The following KIFC3 variants were observed in gnomAD, a reference collection of about 807,000 sequenced individuals.
The protein encoded by KIFC3 is kinesin-like protein KIFC3.
A neutral mutation model predicts 101.8 loss-of-function variants in KIFC3; 60 were observed. The ratio of observed to expected loss-of-function variants is 0.59; its 90% CI spans 0.48 to 0.73. KIFC3 has a LOEUF of 0.73. Among genes scored for constraint, KIFC3 ranks in the 30% least tolerant of loss-of-function variants. KIFC3 has a pLI of 0.00. For missense variants in KIFC3, 966 were observed against 1,137.1 expected (o/e 0.85, Z 2.16); for synonymous variants, 476 against 482.7 (o/e 0.99, Z 0.18).
chr16:57,831,886 C>T (rs1555479358), intron 1 of KIFC3, among the ~76,000 whole-genome samples: 2 of 152,142 alleles, frequency 1.3e-5, no homozygotes, highest in Non-Finnish European at 2.9e-5. Context: ...AAGCAACTAA[C>T]AGCACAACTA....
upstream of KIFC3, among the ~76,000 whole-genome samples, chr16:57,805,326 G>C (rs985459099): frequency 1.1e-4 from 16 of 152,122 alleles, no homozygotes; most frequent in Non-Finnish European, 1.9e-4. Context: ...CAGGAACTAC[G>C]TACCAACTCC....
intron 3 of KIFC3, among the ~76,000 whole-genome samples, chr16:57,781,518 G>A (rs932171863): frequency 1.5e-4 from 23 of 152,194 alleles, no homozygotes; most frequent in Admixed American, 7.2e-4. Flanking sequence ...AGACCAAGAT[G>A]AGCAGCCTCT....
intron 3 of KIFC3, among the ~76,000 whole-genome samples, chr16:57,783,314 A>G (rs2052935916): frequency 1.3e-5 from 2 of 152,172 alleles, no homozygotes; most frequent in Non-Finnish European, 2.9e-5. Flanking sequence ...GTGACCATCA[A>G]TAGGCCTGTT....
upstream of KIFC3, among the ~76,000 whole-genome samples, chr16:57,804,079 TG>T (rs1434895188): frequency 1.3e-5 from 2 of 152,232 alleles, no homozygotes; most frequent in Non-Finnish European, 2.9e-5. Flanking sequence ...TGACATTAAC[TG>T]TAGGTCCTTC....
chr16:57,781,556 G>A (rs1450331447), intron 3 of KIFC3, among the ~76,000 whole-genome samples: 1 of 152,146 alleles, frequency 6.6e-6, no homozygotes, highest in Non-Finnish European at 1.5e-5. Flanking sequence ...GGTGCTCAAG[G>A]ACTATGGGCC....
At chr16:57,770,043 C>A in intron 7 of KIFC3, 88 bp from the exon 8 acceptor site, 2 of 1,488,866 alleles carry the variant, frequency 1.3e-6, no homozygotes, top group East Asian at 2.3e-5. Flanking sequence ...GGTCACCTCC[C>A]ATGCACATGA....
In KIFC3 at chr16:57,795,015, A is replaced by G. The variant is rs1683799154; in HGVS notation, c.299T>C (p.Leu100Pro). The G allele has an allele frequency of 6.3e-7, 1 of 1,592,624 alleles. No individual in the cohort carries two copies. Residue 100 changes from leucine to proline, a missense_variant, in exon 3 of 20, where the codon CTC becomes CCC. Physicochemically the swap from Leu to Pro is moderately conservative, Grantham distance 98 (BLOSUM62 -3). Transcript: ENST00000445690. ...AGTGCTTACCTGCAGGGTCAGGTAG[A>G]GCCCGTGGGGGCTTCCGGGGCCAGC... ...DWAGPGSPHG[L>P]YLTLQVEHLK...
At chr16:57,765,675 C>T in intron 10 of KIFC3, 35 bp from the exon 11 acceptor site, 1 of 1,573,880 alleles carries the variant, frequency 6.4e-7, no homozygotes, top group Non-Finnish European at 8.7e-7. Context: ...TGGGTCCAGG[C>T]CATGTCAAGA....
intron 1 of KIFC3, among the ~76,000 whole-genome samples, chr16:57,850,259 C>T (rs556832368): frequency 2.6e-5 from 4 of 151,278 alleles, no homozygotes; most frequent in Non-Finnish European, 4.4e-5. Context: ...AAAAATTAGC[C>T]GGGCATGGTG....
At chr16:57,775,959 G>C in intron 3 of KIFC3, 1 of 985,504 alleles carries the variant, frequency 1.0e-6, no homozygotes, top group Non-Finnish European at 1.2e-6. Context: ...GGGGAAGAGG[G>C]AGCTGGGCCT....
At chr16:57,809,609 C>T (rs782173562) in intron 1 of KIFC3, among the ~76,000 whole-genome samples, 7 of 152,200 alleles carry the variant, frequency 4.6e-5, no homozygotes, top group African/African-American at 7.2e-5. Flanking sequence ...CCACACAGCC[C>T]GTTCATTCCC....
At chr16:57,842,333 C>A (rs1310279141) in intron 1 of KIFC3, among the ~76,000 whole-genome samples, 1 of 152,198 alleles carries the variant, frequency 6.6e-6, no homozygotes, top group Non-Finnish European at 1.5e-5. Flanking sequence ...GGTCAGAGCC[C>A]CCTGTGTCTG....
chr16:57,763,587 C>T (rs562260448), intron 12 of KIFC3, among the ~76,000 whole-genome samples: 53 of 152,164 alleles, frequency 3.5e-4, no homozygotes, highest in African/African-American at 1.1e-3. Flanking sequence ...CTCAACGCCC[C>T]TCTCCCTGGC....
At chr16:57,826,476 T>C (rs2055459201) in intron 1 of KIFC3, among the ~76,000 whole-genome samples, 1 of 152,192 alleles carries the variant, frequency 6.6e-6, no homozygotes, top group South Asian at 2.1e-4. Flanking sequence ...TTTTTAAATG[T>C]TTAAATTTAA....
chr16:57,845,454 C>A (rs896031443), intron 1 of KIFC3, among the ~76,000 whole-genome samples: 4 of 152,208 alleles, frequency 2.6e-5, no homozygotes, highest in Admixed American at 1.3e-4. Flanking sequence ...AACCAAGGTT[C>A]TGCAGTGGCC....
chr16:57,788,222 G>A (rs919242230), intron 3 of KIFC3, among the ~76,000 whole-genome samples: 5 of 152,194 alleles, frequency 3.3e-5, no homozygotes, highest in Non-Finnish European at 7.3e-5. Flanking sequence ...CTCTCTGCAG[G>A]TGGTGGCGTC....
chr16:57,794,961 G>T lies in KIFC3; in HGVS notation c.315+38C>A, dbSNP rs782551065. The T allele has an allele frequency of 3.3e-6, 5 of 1,505,438 alleles. No homozygotes were observed. The South Asian group carries it at 6.5e-5, about 20-fold the overall frequency. 93.3% of individuals were successfully genotyped at this position (1,505,438 alleles called of 1,614,324 possible). A position where few individuals can be genotyped will look rare whatever the true frequency, so the allele number is the denominator to read the frequency against. ...GAACCCAGCCACTGGAGCTCAGAGA[G>T]CCAAGGCACATGCAGCCTGGAAGGC... On this transcript the variant is annotated intron_variant, in intron 3 of 19. Coordinates refer to ENST00000445690, the MANE Select transcript of KIFC3 (RefSeq NM_001130100.2).
Position 57,771,260 on chromosome 16 carries a change from G to A in KIFC3, c.703C>T (p.Arg235Trp), listed in dbSNP as rs201747140. 12 of 1,613,252 alleles carry A rather than the reference G, an allele frequency of 7.4e-6. No homozygotes were observed. Among genetic ancestry groups the A allele is most frequent in the South Asian group, 1.1e-5 (1 of 91,076 alleles). Residue 235 changes from arginine to tryptophan, a missense_variant, in exon 6 of 20, where the codon CGG becomes TGG. Physicochemically the swap from Arg to Trp is moderately radical, Grantham distance 101. Coordinates refer to ENST00000445690, the MANE Select transcript of KIFC3 (RefSeq NM_001130100.2). ...EKAQEEERLS[R>W]RLRDSHETIA... The stretch of plus-strand genomic sequence containing the variant: ...GTCTCGTGGCTGTCACGCAGGCGCC[G>A]ACTAAGCCGCTCCTCCTCCTGTGCC...
chr16:57,790,878 C>G lies in KIFC3; in HGVS notation c.315+4121G>C, dbSNP rs1555620054. 5.1e-6 allele frequency: 5 copies of G among 984,348 alleles called. No individual in the cohort carries two copies. The African/African-American group carries it at 5.2e-5, about 10-fold the overall frequency. The allele number at this position is 984,348 out of a possible 1,614,324, so 61.0% of individuals were successfully genotyped here. ...GGCTCCTTAGCCCAAAATTCACCCC[C>G]TCCCTCTCTCGACCCAGAGCTCCAC... On this transcript the variant is annotated intron_variant, in intron 3 of 19. Transcript: ENST00000445690.
Sources: allele counts gnomAD v4.1 joint callset (sites outside exome capture counted in the v4.1 genomes callset), GRCh38; gene constraint gnomAD v4.1.1; transcripts MANE v1.5; gene names NCBI Gene and HGNC (gene_info 2026-07-23, HGNC 2026-07-21).